The following NDST2 variants were observed in gnomAD, a reference collection of about 807,000 sequenced individuals.
NDST2 encodes the protein N-deacetylase and N-sulfotransferase 2, also known as bifunctional heparan sulfate N-deacetylase/N-sulfotransferase 2.
A neutral mutation model predicts 86.9 loss-of-function variants in NDST2; 32 were observed. That is an observed-to-expected ratio of 0.37 (90% confidence interval 0.28 to 0.49). The LOEUF is 0.49. Ranked by LOEUF, NDST2 falls within the 20% of genes least tolerant of loss-of-function variation. The pLI is 0.97. For synonymous variants in NDST2, 409 were observed against 437.0 expected (o/e 0.94, Z 0.80); for missense variants, 950 against 1,146.9 (o/e 0.83, Z 2.48).
At position 73,808,207 on chromosome 10, in the gene NDST2, G is replaced by C. The variant is rs1263677542; in HGVS notation, c.182C>G (p.Ala61Gly). 1.9e-6 allele frequency: 3 copies of C among 1,613,546 alleles called. No homozygotes were observed. The highest frequency in any genetic ancestry group is 2.5e-6 in the Non-Finnish European group (3 of 1,179,710). ...TGGAGGCCGTGCAGGGCCAGGACCA[G>C]CTGCCCCACCGCTGCTGCAGTCTCC... ...PLGDCSSGGA[A>G]GPGPARPPVP... Residue 61 changes from alanine to glycine, a missense_variant, in exon 3 of 15, where the codon GCT (alanine) becomes GGT (glycine). Ala to Gly is a moderately conservative substitution (Grantham distance 60). Transcript: ENST00000309979. The surrounding 1 kb of genome is among the most constrained non-coding windows in gnomAD (Gnocchi z 4.3).
Position 73,802,989 on chromosome 10 carries a change from G to C in NDST2, c.2406C>G (p.Asn802Lys). 2 of 1,614,202 alleles carry C rather than the reference G, an allele frequency of 1.2e-6. No homozygotes were observed. The highest frequency in any genetic ancestry group is 1.7e-6 in the Non-Finnish European group (2 of 1,180,028). The change falls in exon 13 of 15, where the codon AAC becomes AAG. Residue 802 changes from asparagine to lysine, a missense_variant. Coordinates refer to ENST00000309979, the MANE Select transcript of NDST2 (RefSeq NM_003635.4). ...TCTCCCACCTGAGGGTCCGTGTGTA[G>C]TTCAGAAAGGGTGTGATACCCAGGA... ...QKFLGITPFL[N>K]YTRTLRFDDD... is the part of the protein sequence containing the mutation.
rs1363741497 is a variant in NDST2 at position 73,808,309 on chromosome 10, C to A, written c.80G>T (p.Ser27Ile). ...HRLILLLIAF[S>I]LGSMGFLAYY... Reference sequence around the variant, plus strand: ...AGCCAGGAAGCCCATGGAGCCCAGGCTGAAAGCGATCAGCAGCAGTATGAG... The same window carrying A: ...AGCCAGGAAGCCCATGGAGCCCAGGATGAAAGCGATCAGCAGCAGTATGAG... Residue 27 changes from serine to isoleucine, a missense_variant, in exon 3 of 15, where the codon AGC becomes ATC. Ser to Ile is a moderately radical substitution (Grantham distance 142). Coordinates refer to ENST00000309979, the MANE Select transcript of NDST2 (RefSeq NM_003635.4). This position sits in a 1 kb window ranked among gnomAD's most constrained non-coding sequence, Gnocchi z 4.3. The A allele has an allele frequency of 1.3e-6, 2 of 1,594,296 alleles. No homozygotes were observed. The highest frequency in any genetic ancestry group is 2.7e-5 in the African/African-American group (2 of 74,332).
rs760089630 is a variant in NDST2 at position 73,802,009 on chromosome 10, A to G, written c.*442T>C. On this transcript the variant is annotated 3_prime_UTR_variant, in exon 15 of 15. Transcript: ENST00000309979. ...CACTGTCCGACCTCATCCCCATTCA[A>G]TGTGAATGACATTAGGGAGGCCGGG... 1.7e-5 allele frequency: 6 copies of G among 355,914 alleles called. No individual in the cohort carries two copies. The highest frequency in any genetic ancestry group is 2.7e-5 in the Non-Finnish European group (5 of 187,692). The allele number at this position is 355,914 out of a possible 1,614,324, so 22.0% of individuals were successfully genotyped here.
chr10:73,803,744 T>C lies in NDST2; in HGVS notation c.1972A>G (p.Met658Val). Residue 658 changes from methionine to valine, a missense_variant, in exon 11 of 15, where the codon ATG becomes GTG. By Grantham distance (21) the Met-to-Val change is conservative. Transcript: ENST00000309979. ...PNYHKGIDWY[M>V]DFFPVPSNAS... ...TTGGAAGGAACAGGGAAGAAATCCA[T>C]GTACCTAGGAAGTAGCACAGAAGAG... is the stretch of plus-strand genomic sequence containing the variant. 1 of 1,614,080 alleles carries C rather than the reference T, an allele frequency of 6.2e-7. No individual in the cohort carries two copies. The highest frequency in any genetic ancestry group is 2.2e-5 in the East Asian group (1 of 44,886).
rs534521520 is a variant in NDST2 at position 73,806,659 on chromosome 10, G to C, written c.1246C>G (p.Leu416Val). The change falls in exon 5 of 15, where the codon CTG becomes GTG. Residue 416 changes from leucine to valine, a missense_variant and splice_region_variant. Leu to Val is a conservative substitution (Grantham distance 32). This residue lies in a region of NDST2 where 586 missense variants were observed against 714.0 expected (regional missense o/e 0.82). Coordinates refer to ENST00000309979, the MANE Select transcript of NDST2 (RefSeq NM_003635.4). The surrounding 1 kb of genome is among the most constrained non-coding windows in gnomAD (Gnocchi z 4.5). ...DQMRLNKQFA[L>V]EHGIPTDLGY... ...GGGAAGAGATCCAAGGGTCTCACCA[G>C]AGCAAACTGTTTGTTGAGCCTCATC... 9 of 1,613,826 alleles carry C rather than the reference G, an allele frequency of 5.6e-6. No individual in the cohort carries two copies. The South Asian group carries it at 7.7e-5, about 14-fold the overall frequency.
chr10:73,802,392 C>T lies in NDST2; in HGVS notation c.*59G>A. On this transcript the variant is annotated 3_prime_UTR_variant, in exon 15 of 15. Transcript: ENST00000309979. ...ACTCTAATCCCCCTTGTGGGCCCTG[C>T]TCTGGACCTGCCCCTTAGGGAAGCA... is the stretch of plus-strand genomic sequence containing the variant. 1 of 1,606,200 alleles carries T rather than the reference C, an allele frequency of 6.2e-7. No individual in the cohort carries two copies. The highest frequency in any genetic ancestry group is 8.5e-7 in the Non-Finnish European group (1 of 1,176,792).
Position 73,806,436 on chromosome 10 carries a change from G to A in NDST2, c.1287C>T (p.Ala429=), listed in dbSNP as rs765762413. The part of the protein sequence containing the change: ...GIPTDLGYAV[A]PHHSGVYPIH... ...TGGGGTACACACCCGAGTGGTGGGG[G>A]GCCACAGCATACCCCAGGTCCGTGG... Residue 429 remains alanine, a synonymous_variant, in exon 6 of 15, where the codon GCC becomes GCT. Coordinates refer to ENST00000309979, the MANE Select transcript of NDST2 (RefSeq NM_003635.4). This position sits in a 1 kb window ranked among gnomAD's most constrained non-coding sequence, Gnocchi z 4.5. 6.2e-7 allele frequency: 1 copy of A among 1,609,670 alleles called. No individual in the cohort carries two copies. The highest frequency in any genetic ancestry group is 1.1e-5 in the South Asian group (1 of 90,600).
chr10:73,811,729 C>T (rs1251130007), upstream of NDST2: 2 of 152,180 alleles, frequency 1.3e-5, no homozygotes, highest in African/African-American at 2.4e-5. Context: ...AAGCGGCCCT[C>T]CGCAGTGCCG....
intron 9 of NDST2, 75 bp from the exon 10 acceptor site, chr10:73,804,091 G>T: frequency 3.3e-6 from 5 of 1,530,046 alleles, no homozygotes; most frequent in Non-Finnish European, 4.4e-6. Context: ...AAGCTTGAAG[G>T]AAGTGAAAAA....
At position 73,803,430 on chromosome 10, in the gene NDST2, A is replaced by C. The variant is rs1170776361; in HGVS notation, c.2143-71T>G. ...TATTCTGCCCTTACGCTTGGTCTGGAGACAGACAGCACAGCACGGGTACCC... is the reference window on the plus strand; with the variant it reads ...TATTCTGCCCTTACGCTTGGTCTGGCGACAGACAGCACAGCACGGGTACCC... On this transcript the variant is annotated intron_variant, in intron 11 of 14. Transcript: ENST00000309979. 18 of 1,581,660 alleles carry C rather than the reference A, an allele frequency of 1.1e-5. No homozygotes were observed. The Admixed American group carries it at 1.5e-4, about 13-fold the overall frequency.
intron 10 of NDST2, 25 bp downstream of exon 10, chr10:73,803,868 A>G (rs751962882): frequency 2.5e-6 from 4 of 1,614,088 alleles, no homozygotes; most frequent in African/African-American, 1.3e-5. Context: ...CCTCTGAGAA[A>G]CATTCAAATG....
Position 73,806,825 on chromosome 10 carries a change from C to A in NDST2, c.1094-14G>T. ...CCTCCTCTGTCCCTATGACCACACG[C>A]TGACCACTGACCACAGCCAGTCAGC... On this transcript the variant is annotated splice_polypyrimidine_tract_variant and intron_variant, in intron 4 of 14. Coordinates refer to ENST00000309979, the MANE Select transcript of NDST2 (RefSeq NM_003635.4). The surrounding 1 kb of genome is among the most constrained non-coding windows in gnomAD (Gnocchi z 4.5). 6.2e-7 allele frequency: 1 copy of A among 1,609,444 alleles called. No homozygotes were observed.
At chr10:73,804,922 A>T in intron 8 of NDST2, 53 bp from the exon 9 acceptor site, 2 of 1,039,258 alleles carry the variant, frequency 1.9e-6, no homozygotes, top group East Asian at 2.7e-5. Flanking sequence ...TTTTTTTGAG[A>T]CGGAGTTTCG....
Position 73,802,174 on chromosome 10 carries a change from C to A in NDST2, c.*277G>T. ...GAAATCTCATTGGACTAATACATTC[C>A]CCTACACCCTGCCTGGACCCTCTCA... On this transcript the variant is annotated 3_prime_UTR_variant, in exon 15 of 15. Coordinates refer to ENST00000309979, the MANE Select transcript of NDST2 (RefSeq NM_003635.4). The A allele has an allele frequency of 1.8e-6, 1 of 546,404 alleles. No homozygotes were observed. Among genetic ancestry groups the A allele is most frequent in the South Asian group, 2.1e-5 (1 of 46,536 alleles). 33.8% of individuals were successfully genotyped at this position (546,404 alleles called of 1,614,324 possible).
intron 1 of NDST2, 122 bp from the exon 2 acceptor site, chr10:73,811,025 G>A (rs750846740): frequency 1.1e-4 from 42 of 393,948 alleles, no homozygotes; most frequent in Non-Finnish European, 1.8e-4. Context: ...TGAGGACGGC[G>A]AAGCCAGACG....
At position 73,806,254 on chromosome 10, in the gene NDST2, G is replaced by A. The variant is rs773076985; in HGVS notation, c.1434+35C>T. 5 of 1,610,932 alleles carry A rather than the reference G, an allele frequency of 3.1e-6. No homozygotes were observed. The highest frequency in any genetic ancestry group is 1.7e-5 in the Admixed American group (1 of 60,000). On this transcript the variant is annotated intron_variant, in intron 6 of 14. Transcript: ENST00000309979. The surrounding 1 kb of genome is among the most constrained non-coding windows in gnomAD (Gnocchi z 4.5). ...CATGTTGAAAGCTGTCTAAATGTTA[G>A]AGTTTGATTCAAGCCTGTATTGGGA... is the stretch of plus-strand genomic sequence containing the variant.
intron 1 of NDST2, among the ~76,000 whole-genome samples, 155 bp from the exon 2 acceptor site, chr10:73,811,058 T>C (rs987734136): frequency 6.6e-6 from 1 of 151,646 alleles, no homozygotes; most frequent in African/African-American, 2.4e-5. Context: ...GGGCCCGGGC[T>C]TGGGGAGGCC....
At chr10:73,803,435 G>A in intron 11 of NDST2, 76 bp from the exon 12 acceptor site, 2 of 1,576,064 alleles carry the variant, frequency 1.3e-6, no homozygotes, top group Non-Finnish European at 1.7e-6. Flanking sequence ...TCTGGAGACA[G>A]ACAGCACAGC....
Position 73,803,590 on chromosome 10 carries a change from G to A in NDST2, c.2126C>T (p.Ala709Val). The A allele has an allele frequency of 3.7e-6, 6 of 1,610,618 alleles. No homozygotes were observed. Among genetic ancestry groups the A allele is most frequent in the Non-Finnish European group, 5.1e-6 (6 of 1,179,332 alleles). Residue 709 changes from alanine (A) to valine (V), a missense_variant, in exon 11 of 15, where the codon GCC becomes GTC. Ala to Val is a moderately conservative substitution (Grantham distance 64). This residue lies in a region of NDST2 where 303 missense variants were observed against 323.7 expected (regional missense o/e 0.94). Transcript: ENST00000309979. ...ITVLTNPADR[A>V]YSWYQHQRAH... ...CAGGCAGACCTGGTACCAGGAGTAG[G>A]CCCTGTCAGCAGGGTTGGTGAGCAC...
Sources: allele counts gnomAD v4.1 joint callset (sites outside exome capture counted in the v4.1 genomes callset), GRCh38; gene constraint gnomAD v4.1.1; regional missense constraint gnomAD v4.1.1; non-coding constraint Gnocchi (gnomAD v3.1); transcripts MANE v1.5; gene names NCBI Gene and HGNC (gene_info 2026-07-23, HGNC 2026-07-21).